The following EFCAB6 variants were observed in gnomAD, a reference collection of about 807,000 sequenced individuals.
EFCAB6 encodes EF-hand calcium-binding domain-containing protein 6.
EFCAB6 carries 156 observed loss-of-function variants against 169.8 expected under a neutral mutation model. The ratio of observed to expected loss-of-function variants is 0.92; its 90% CI spans 0.81 to 1.05. The LOEUF is 1.05. Among genes scored for constraint, EFCAB6 ranks in the 50% least tolerant of loss-of-function variants. EFCAB6 has a pLI of 0.00. For synonymous variants in EFCAB6, 698 were observed against 676.4 expected, an observed-to-expected ratio of 1.03 and a Z score of -0.50; for missense variants, 1,800 against 1,829.1, an observed-to-expected ratio of 0.98 and a Z score of 0.29.
At chr22:43,757,519 C>T (rs2061000611) in intron 5 of EFCAB6, among the ~76,000 whole-genome samples, 1 of 152,180 alleles carries the variant, frequency 6.6e-6, no homozygotes, top group Non-Finnish European at 1.5e-5. Context: ...TGCACTCCAA[C>T]CCGGACAACA....
At chr22:43,565,412 G>A (rs1321371362) in intron 26 of EFCAB6, among the ~76,000 whole-genome samples, 2 of 152,208 alleles carry the variant, frequency 1.3e-5, no homozygotes, top group South Asian at 2.1e-4. Flanking sequence ...GGTTTCTATT[G>A]AGTAAGAAGT....
chr22:43,791,501 C>T (rs538703951), intron 2 of EFCAB6, among the ~76,000 whole-genome samples: 114 of 151,948 alleles, frequency 7.5e-4, no homozygotes, highest in Non-Finnish European at 1.2e-3. Flanking sequence ...GGTCCTCCAA[C>T]GTTCACCGTT....
At chr22:43,806,195 A>AGGGGG (rs2062915511) in intron 2 of EFCAB6, among the ~76,000 whole-genome samples, 1 of 15,104 alleles carries the variant, frequency 6.6e-5, no homozygotes, top group African/African-American at 2.7e-4. Flanking sequence ...GGGGGAGGGG[A>AGGGGG]GGGGAGGGGA....
intron 8 of EFCAB6, among the ~76,000 whole-genome samples, chr22:43,722,330 T>C (rs2059563476): frequency 6.6e-6 from 1 of 150,924 alleles, no homozygotes; most frequent in African/African-American, 2.4e-5. Flanking sequence ...ATCGAGACCA[T>C]CCTGGCTAAC....
At chr22:43,762,166 AT>A (rs1455947716) in intron 5 of EFCAB6, among the ~76,000 whole-genome samples, 1 of 152,146 alleles carries the variant, frequency 6.6e-6, no homozygotes, top group Non-Finnish European at 1.5e-5. Flanking sequence ...TGTAATTACA[AT>A]TTTCCCCTTA....
At chr22:43,662,160 AAT>A (rs917796305) in intron 17 of EFCAB6, among the ~76,000 whole-genome samples, 4 of 16,994 alleles carry the variant, frequency 2.4e-4, no homozygotes, top group Non-Finnish European at 4.5e-4. Context: ...TCCATTTCAA[AAT>A]AATAATAATA....
chr22:43,660,359 G>A (rs1167435242), intron 17 of EFCAB6, among the ~76,000 whole-genome samples: 1 of 152,034 alleles, frequency 6.6e-6, no homozygotes, highest in East Asian at 1.9e-4. Context: ...GCCATGCTAA[G>A]TGTACAACAG....
intron 25 of EFCAB6, among the ~76,000 whole-genome samples, chr22:43,576,772 C>T (rs1463082368): frequency 6.6e-6 from 1 of 152,196 alleles, no homozygotes; most frequent in African/African-American, 2.4e-5. Flanking sequence ...GCCCCAAGCA[C>T]CCGTAACCTT....
intron 20 of EFCAB6, 137 bp from the exon 21 acceptor site, chr22:43,616,059 T>C: frequency 1.6e-6 from 1 of 625,780 alleles, no homozygotes; most frequent in South Asian, 3.1e-5. Flanking sequence ...TTTAACTTAA[T>C]TCTTAAAATA....
rs2047449793 is a variant in EFCAB6 at position 43,537,441 on chromosome 22, G to A, written c.3984C>T (p.Leu1328=). 11 of 1,613,998 alleles carry A rather than the reference G, an allele frequency of 6.8e-6. No individual in the cohort carries two copies. Among genetic ancestry groups the A allele is most frequent in the South Asian group, 2.2e-5 (2 of 91,080 alleles). The change falls in exon 29 of 32, where the codon CTC becomes CTT. Residue 1328 remains leucine (L), a synonymous_variant. Transcript: ENST00000262726. This position sits in a 1 kb window ranked among gnomAD's most constrained non-coding sequence, Gnocchi z 4.3. ...CGTCCTTCTCCTTGCATTCTTTCAG[G>A]AGCTGGCGCCAGCAGCCCTGGATTC... ...RKRIQGCWRQ[L]LKECKEKDVA...
intron 2 of EFCAB6, among the ~76,000 whole-genome samples, chr22:43,804,212 T>A (rs201774342): frequency 6.6e-6 from 1 of 151,942 alleles, no homozygotes; most frequent in East Asian, 1.9e-4. Context: ...AACAACACAC[T>A]CCTGAATGAC....
At chr22:43,658,176 G>A (rs1429281346) in intron 17 of EFCAB6, among the ~76,000 whole-genome samples, 1 of 152,096 alleles carries the variant, frequency 6.6e-6, no homozygotes, top group East Asian at 1.9e-4. Context: ...AGTTTGCAGT[G>A]AGTAGAGATC....
At chr22:43,750,646 T>A (rs1290768823) in intron 6 of EFCAB6, among the ~76,000 whole-genome samples, 1 of 150,384 alleles carries the variant, frequency 6.6e-6, no homozygotes, top group Non-Finnish European at 1.5e-5. Flanking sequence ...CACAGCCTTT[T>A]TGTTAGGCAA....
rs143723362 is a variant in EFCAB6, at chr22:43,556,225, G to A, written c.3421-1129C>T. On this transcript the variant is annotated intron_variant, in intron 26 of 31. Coordinates refer to ENST00000262726, the MANE Select transcript of EFCAB6 (RefSeq NM_022785.4). ...CAAAGAGGCAGGGGTCAGGGGTGGG[G>A]GGAAATGGGCAGGGCCTGGGAAGCA... is the stretch of plus-strand genomic sequence containing the variant. Among the ~76,000 whole-genome samples the A allele has an allele frequency of 5.2e-3, 792 of 152,254 alleles. 4 individuals carry two copies. The highest frequency in any genetic ancestry group is 0.041 in the Middle Eastern group (12 of 294).
rs34578401 is a variant in EFCAB6, at chr22:43,582,341, TACACACACAC to T, written c.3033-1692_3033-1683del. ...AAATGGTCCTTCCTTTCTATACACATACACACACACACACACACACACACACATACACACA... is the reference window on the plus strand; with the variant it reads ...AAATGGTCCTTCCTTTCTATACACATACACACACACACACACATACACACA... On this transcript the variant is annotated intron_variant, in intron 24 of 31. Coordinates refer to ENST00000262726, the MANE Select transcript of EFCAB6 (RefSeq NM_022785.4). Among the ~76,000 whole-genome samples the T allele has an allele frequency of 2.7e-5, 4 of 148,368 alleles. No homozygotes were observed. The South Asian group carries it at 8.7e-4, about 32-fold the overall frequency.
chr22:43,579,385 C>CGCAGGCATCATTCCCTGCAT (rs1297477739), intron 25 of EFCAB6, among the ~76,000 whole-genome samples: 7,487 of 145,054 alleles, frequency 0.052, 263 homozygotes, highest in African/African-American at 0.1. Context: ...ATTCCCTACA[C>CGCAGGCATCATTCCCTGCAT]GCAGGCATCA....
intron 7 of EFCAB6, 103 bp downstream of exon 7, chr22:43,735,754 G>A: frequency 7.5e-7 from 1 of 1,330,884 alleles, no homozygotes; most frequent in Admixed American, 2.1e-5. Context: ...GTGTGGCAGG[G>A]GGAGGTGAGA....
At position 43,751,422 on chromosome 22, in the gene EFCAB6, G is replaced by A. The variant is rs538672326; in HGVS notation, c.507+4344C>T. 3.9e-5 allele frequency among the ~76,000 whole-genome samples: 6 copies of A among 152,272 alleles called. No individual in the cohort carries two copies. The East Asian group carries it at 5.8e-4, about 15-fold the overall frequency. ...GATGGAATAAAAAAACTTACACTTC[G>A]TTAGCCTGGCAACACACTGCATCTT... On this transcript the variant is annotated intron_variant, in intron 6 of 31. Coordinates refer to ENST00000262726, the MANE Select transcript of EFCAB6 (RefSeq NM_022785.4).
intron 6 of EFCAB6, among the ~76,000 whole-genome samples, chr22:43,737,581 TCACA>T (rs1026974067): frequency 1.5e-5 from 2 of 136,532 alleles, no homozygotes; most frequent in Non-Finnish European, 1.6e-5. Context: ...GTGCATATAC[TCACA>T]CATACACCAT....
Sources: allele counts gnomAD v4.1 joint callset (sites outside exome capture counted in the v4.1 genomes callset), GRCh38; gene constraint gnomAD v4.1.1; non-coding constraint Gnocchi (gnomAD v3.1); transcripts MANE v1.5; gene names NCBI Gene and HGNC (gene_info 2026-07-23, HGNC 2026-07-21).